The following EGF variants were observed in gnomAD, a reference collection of about 807,000 sequenced individuals.
EGF encodes epidermal growth factor.
Under a neutral mutation model 143.8 loss-of-function variants are expected in EGF, and 95 were observed. The observed-to-expected ratio is 0.66, with a 90% CI of 0.56 to 0.78. The LOEUF is 0.78. Ranked by LOEUF, EGF falls within the 30% of genes least tolerant of loss-of-function variation. The probability of loss-of-function intolerance (pLI) is 0.00; values close to 1 mark genes in which losing one functional copy is unlikely to be tolerated. For missense variants in EGF, 1,320 were observed against 1,470.9 expected (o/e 0.90, Z 1.68); for synonymous variants, 510 against 510.5 (o/e 1.00, Z 0.01).
At chr4:109,937,673 G>A (rs1157558916) in intron 1 of EGF, among the ~76,000 whole-genome samples, 1 of 152,070 alleles carries the variant, frequency 6.6e-6, no homozygotes, top group Non-Finnish European at 1.5e-5. Context: ...TCCATATTTA[G>A]TGCTTCTTTC....
chr4:109,948,366 C>T (rs1743210566), intron 5 of EGF, among the ~76,000 whole-genome samples: 1 of 152,152 alleles, frequency 6.6e-6, no homozygotes, highest in African/African-American at 2.4e-5. Flanking sequence ...AGCTCTTTAC[C>T]TGTGATGTAG....
chr4:110,004,661 G>A (rs774696652), intron 22 of EGF, 39 bp downstream of exon 22: 11 of 1,553,854 alleles, frequency 7.1e-6, no homozygotes, highest in Non-Finnish European at 9.8e-6. Context: ...GAATTGGCTT[G>A]ATATTAACCC....
At chr4:110,003,616 C>T (rs10857004) in intron 21 of EGF, among the ~76,000 whole-genome samples, 40,946 of 151,904 alleles carry the variant, frequency 0.27, 10,623 homozygotes, top group African/African-American at 0.64. Flanking sequence ...AGGACAGTGG[C>T]GTTATTGTGG....
intron 5 of EGF, among the ~76,000 whole-genome samples, chr4:109,957,418 T>G (rs745914317): frequency 5.9e-5 from 9 of 152,214 alleles, no homozygotes; most frequent in Non-Finnish European, 1.2e-4. Context: ...CCACTATATA[T>G]ATCATGCTCA....
chr4:110,001,955 G>T, intron 21 of EGF: 1 of 985,362 alleles, frequency 1.0e-6, no homozygotes, highest in South Asian at 4.7e-5. Flanking sequence ...TCAGCTATGT[G>T]CATAACTACG....
chr4:109,969,171 G>A, intron 11 of EGF, 52 bp downstream of exon 11: 9 of 1,609,790 alleles, frequency 5.6e-6, no homozygotes, highest in Non-Finnish European at 7.7e-6. Flanking sequence ...TGATGGGATA[G>A]GTAATACTAT....
chr4:110,001,527 C>T, intron 21 of EGF: 1 of 774,778 alleles, frequency 1.3e-6, no homozygotes, highest in Non-Finnish European at 1.6e-6. Flanking sequence ...TGCCAAAGGG[C>T]AGGAAAAAAA....
intron 1 of EGF, among the ~76,000 whole-genome samples, chr4:109,938,648 C>T (rs769759647): frequency 7.9e-5 from 12 of 152,156 alleles, no homozygotes; most frequent in African/African-American, 2.9e-4. Flanking sequence ...CCCATCTTAG[C>T]GGTTTTATCT....
Position 109,964,569 on chromosome 4 carries a change from A to G in EGF, c.1575+32A>G, listed in dbSNP as rs373475069. 1.5e-5 allele frequency: 24 copies of G among 1,613,362 alleles called. No individual in the cohort carries two copies. In the East Asian group the frequency reaches 3.3e-4, roughly 22 times the overall value. On this transcript the variant is annotated intron_variant, in intron 10 of 23. Transcript: ENST00000265171. ...TTTTGTTACTTGAACAGATGTGGAC[A>G]TGCTTTAAGGACAGAGTAGAGGATT...
chr4:109,945,030 C>T (rs747101578), intron 4 of EGF, 43 bp from the exon 5 acceptor site: 7 of 1,595,446 alleles, frequency 4.4e-6, no homozygotes, highest in Admixed American at 1.7e-5. Flanking sequence ...AGACAAGGAA[C>T]AAATGTTCTG....
Position 109,993,266 on chromosome 4 carries a change from G to A in EGF, c.2754G>A (p.Leu918=), listed in dbSNP as rs759303068. ...TGACAGATATTGATGAGTGCCAACT[G>A]GGGGAGCACAGCTGTGGAGAGAATG... ...IHCLDIDECQ[L]GEHSCGENAS... is the part of the protein sequence containing the mutation. The change falls in exon 19 of 24, where the codon CTG becomes CTA. Residue 918 remains leucine (L), a synonymous_variant. Transcript: ENST00000265171. 6.2e-7 allele frequency: 1 copy of A among 1,613,770 alleles called. No individual in the cohort carries two copies. Among genetic ancestry groups the A allele is most frequent in the Non-Finnish European group, 8.5e-7 (1 of 1,179,898 alleles).
At position 110,012,625 on chromosome 4, in the gene EGF, G is replaced by A. The variant is rs534869645; in HGVS notation, c.*1170G>A. Among the ~76,000 whole-genome samples, 4 of 152,146 alleles carry A rather than the reference G, an allele frequency of 2.6e-5. No individual in the cohort carries two copies. The highest frequency in any genetic ancestry group is 6.5e-5 in the Admixed American group (1 of 15,278). On this transcript the variant is annotated 3_prime_UTR_variant, in exon 24 of 24. Transcript: ENST00000265171. ...TGAACTCCTGGCCTCAAGCAAGGTC[G>A]TGCTGGTAATTTTGCAAAATGAATT...
At chr4:110,001,907 A>G in intron 21 of EGF, 2 of 985,412 alleles carry the variant, frequency 2.0e-6, no homozygotes, top group African/African-American at 3.5e-5. Context: ...TTACCTAACA[A>G]TTCTGATCAG....
At chr4:109,936,865 A>T (rs904829329) in intron 1 of EGF, among the ~76,000 whole-genome samples, 2 of 152,182 alleles carry the variant, frequency 1.3e-5, no homozygotes, top group South Asian at 2.1e-4. Context: ...TGAGTTTCTT[A>T]ATCCTGAGTT....
chr4:109,976,856 T>C (rs564470122), intron 13 of EGF, among the ~76,000 whole-genome samples: 1 of 152,364 alleles, frequency 6.6e-6, no homozygotes, highest in East Asian at 1.9e-4. Context: ...TTGGCCTTTG[T>C]ATGTTAGTAC....
intron 11 of EGF, among the ~76,000 whole-genome samples, chr4:109,973,400 C>T (rs1410952277): frequency 2.0e-5 from 3 of 152,128 alleles, no homozygotes; most frequent in Non-Finnish European, 2.9e-5. Context: ...TCCATCCCCA[C>T]CCACCTTTGC....
chr4:109,917,466 G>T (rs1050484158), intron 1 of EGF, among the ~76,000 whole-genome samples: 1 of 151,868 alleles, frequency 6.6e-6, no homozygotes, highest in Non-Finnish European at 1.5e-5. Flanking sequence ...AGTATGGTTG[G>T]TTGGAGGTTT....
chr4:109,914,315 C>A (rs780696098), intron 1 of EGF, among the ~76,000 whole-genome samples: 10 of 152,132 alleles, frequency 6.6e-5, no homozygotes, highest in Non-Finnish European at 1.3e-4. Flanking sequence ...TATCAGCTTG[C>A]CCTTTTGAGA....
rs948823567 is a variant in EGF, at chr4:109,987,806, G to A, written c.2554G>A (p.Asp852Asn). Residue 852 changes from aspartate to asparagine, a missense_variant, in exon 17 of 24, where the codon GAT (aspartate) becomes AAT (asparagine). Asp to Asn is a conservative substitution (Grantham distance 23). Transcript: ENST00000265171. ...MYARCISEGE[D>N]ATCQCLKGFA... The stretch of plus-strand genomic sequence containing the variant: ...TGCTCGGTGTATTTCAGAGGGAGAG[G>A]ATGCCACATGTCAGTGTTTGAAAGG... 4 of 1,613,850 alleles carry A rather than the reference G, an allele frequency of 2.5e-6. No homozygotes were observed. Among genetic ancestry groups the A allele is most frequent in the Non-Finnish European group, 3.4e-6 (4 of 1,179,898 alleles).
Sources: gnomAD v4.1 joint callset for allele counts (sites outside exome capture counted in the v4.1 genomes callset) on GRCh38, gnomAD v4.1.1 for gene constraint, MANE v1.5 for transcripts, NCBI Gene and HGNC (gene_info 2026-07-23, HGNC 2026-07-21) for gene names.